Variants in MTM1 observed in about 807,000 individuals in gnomAD.
The protein encoded by MTM1 is myotubularin.
In MTM1, 9 loss-of-function variants were observed where a neutral mutation model predicts 52.1. The observed-to-expected ratio is 0.17, with a 90% CI of 0.10 to 0.30. The LOEUF (loss-of-function observed/expected upper bound fraction) is 0.30. MTM1 is among the 10% of genes least tolerant of loss of function. The probability of loss-of-function intolerance (pLI) is 1.00; values close to 1 mark genes in which losing one functional copy is unlikely to be tolerated. For missense variants in MTM1, 277 were observed against 470.7 expected (o/e 0.59, Z 3.81); for synonymous variants, 136 against 163.8 (o/e 0.83, Z 1.29).
At chrX:150,657,186 C>T (rs62609261) in intron 10 of MTM1, among the ~76,000 whole-genome samples, 3,064 of 109,475 alleles carry the variant, frequency 0.028, 62 homozygotes, top group Middle Eastern at 0.041. Flanking sequence ...ATGTTTATTG[C>T]GGCACTATTC....
intron 13 of MTM1, among the ~76,000 whole-genome samples, chrX:150,661,906 AATAG>A (rs1312329911): frequency 8.9e-6 from 1 of 112,247 alleles, no homozygotes; most frequent in Non-Finnish European, 1.9e-5. Context: ...TTGCTAAAAT[AATAG>A]ATCTCAAGTG....
chrX:150,666,098 C>G (rs1557414924), intron 14 of MTM1, among the ~76,000 whole-genome samples: 2 of 112,364 alleles, frequency 1.8e-5, no homozygotes. Flanking sequence ...TTGTTTGAAG[C>G]CTACAATACT....
intron 14 of MTM1, among the ~76,000 whole-genome samples, chrX:150,670,472 G>A (rs2040378544): frequency 8.9e-6 from 1 of 112,392 alleles, no homozygotes; most frequent in Admixed American, 9.4e-5. Context: ...TTGCAGAGCC[G>A]CTATGGCTGT....
In MTM1 at chrX:150,647,221, A is replaced by ATATATATATG. The variant is rs373023705; in HGVS notation, c.867+1350_867+1351insTATATATATG. On this transcript the variant is annotated intron_variant, in intron 9 of 14. Coordinates refer to ENST00000370396, the MANE Select transcript of MTM1 (RefSeq NM_000252.3). Reference sequence around the variant, plus strand: ...TATATATATATATATATATATATATAGCAATATTTTCATGTACATATTTAG... The same window carrying ATATATATATG: ...TATATATATATATATATATATATATATATATATATGGCAATATTTTCATGTACATATTTAG... Among the ~76,000 whole-genome samples, 17 of 101,613 alleles carry ATATATATATG rather than the reference A, an allele frequency of 1.7e-4. 1 individual carries two copies. The highest frequency in any genetic ancestry group is 6.6e-4 in the African/African-American group (17 of 25,822). 88.2% of individuals were successfully genotyped at this position (101,613 alleles called of 115,157 possible).
chrX:150,665,428 G>A (rs889886632), intron 14 of MTM1, among the ~76,000 whole-genome samples: 1 of 112,438 alleles, frequency 8.9e-6, no homozygotes, highest in East Asian at 2.8e-4. Context: ...AAGTACATTA[G>A]GTTTGCTTAA....
chrX:150,660,057 C>G (rs1308367338), intron 12 of MTM1, among the ~76,000 whole-genome samples: 2 of 112,260 alleles, frequency 1.8e-5, no homozygotes, highest in African/African-American at 6.5e-5. Flanking sequence ...TACACTGACC[C>G]TTATATATAG....
At chrX:150,620,890 A>T (rs782572004) in intron 6 of MTM1, among the ~76,000 whole-genome samples, 1 of 110,446 alleles carries the variant, frequency 9.1e-6, no homozygotes, top group South Asian at 3.9e-4. Flanking sequence ...GCCGAGGAGG[A>T]TGGATCACTT....
At chrX:150,645,534 G>T (rs935777735) in intron 8 of MTM1, 149 bp from the exon 9 acceptor site, 12 of 512,552 alleles carry the variant, frequency 2.3e-5, no homozygotes, top group Non-Finnish European at 3.7e-5. Flanking sequence ...GCACACACAC[G>T]CAGTGAGATT....
At chrX:150,663,299 AGC>A in intron 13 of MTM1, 132 bp from the exon 14 acceptor site, 1 of 702,077 alleles carries the variant, frequency 1.4e-6, no homozygotes, top group Admixed American at 2.8e-5. Flanking sequence ...AGGCTTTTTG[AGC>A]TATTATGAGG....
chrX:150,632,781 G>C (rs1326442272), intron 6 of MTM1, among the ~76,000 whole-genome samples: 2 of 111,233 alleles, frequency 1.8e-5, no homozygotes, highest in African/African-American at 6.6e-5. Context: ...AATCCACCCT[G>C]GATAACCAGA....
At chrX:150,567,083 T>C (rs182830353), upstream of MTM1, among the ~76,000 whole-genome samples, 165 of 111,084 alleles carry the variant, frequency 1.5e-3, no homozygotes, top group Non-Finnish European at 2.6e-3. Context: ...GCAGCTGCTA[T>C]TCTGCTGTCT....
At chrX:150,601,360 CAT>C (rs1440272154) in intron 4 of MTM1, among the ~76,000 whole-genome samples, 1 of 112,049 alleles carries the variant, frequency 8.9e-6, no homozygotes, top group Non-Finnish European at 1.9e-5. Flanking sequence ...AGTCTAAAAA[CAT>C]AGTCATCATA....
intron 13 of MTM1, 112 bp downstream of exon 13, chrX:150,660,596 G>GAC: frequency 1.9e-6 from 1 of 525,420 alleles, no homozygotes; most frequent in Non-Finnish European, 3.3e-6. Context: ...TGACCTCAAA[G>GAC]AGTAGGAATT....
chrX:150,597,161 G>A (rs1467892139), intron 3 of MTM1, among the ~76,000 whole-genome samples: 3 of 111,939 alleles, frequency 2.7e-5, no homozygotes, highest in African/African-American at 6.5e-5. Flanking sequence ...TAATGTTCTG[G>A]GCAAATTTTA....
intron 6 of MTM1, among the ~76,000 whole-genome samples, chrX:150,633,667 C>T (rs1267472336): frequency 8.1e-5 from 5 of 62,091 alleles, no homozygotes; most frequent in African/African-American, 2.7e-4. Context: ...TCTTTAATTT[C>T]AGAAATCAAA....
chrX:150,583,417 T>TA, intron 1 of MTM1, among the ~76,000 whole-genome samples: 1 of 40,161 alleles, frequency 2.5e-5, no homozygotes, highest in Non-Finnish European at 3.8e-5. Context: ...TATTATATTA[T>TA]ATATAATTAT....
At chrX:150,598,554 A>G in intron 3 of MTM1, 38 bp from the exon 4 acceptor site, 1 of 834,247 alleles carries the variant, frequency 1.2e-6, no homozygotes, top group South Asian at 2.1e-5. Context: ...CTTGGTATCT[A>G]TTTCCATTAT....
intron 6 of MTM1, among the ~76,000 whole-genome samples, chrX:150,625,997 G>GAC (rs1557413395): frequency 8.9e-6 from 1 of 112,739 alleles, no homozygotes; most frequent in African/African-American, 3.2e-5. Context: ...AGGTCTTCCA[G>GAC]ACAGCAGCAC....
intron 14 of MTM1, among the ~76,000 whole-genome samples, chrX:150,663,897 T>C (rs182989755): frequency 4.5e-5 from 5 of 112,037 alleles, no homozygotes; most frequent in African/African-American, 1.6e-4. Context: ...CTTTGATCAC[T>C]TGAAGTAGTT....
Sources: gnomAD v4.1 joint callset for allele counts (sites outside exome capture counted in the v4.1 genomes callset) on GRCh38, gnomAD v4.1.1 for gene constraint, MANE v1.5 for transcripts, NCBI Gene and HGNC (gene_info 2026-07-23, HGNC 2026-07-21) for gene names.